The following NEK1 variants were observed in gnomAD, a reference collection of about 807,000 sequenced individuals.
The protein encoded by NEK1 is serine/threonine-protein kinase Nek1.
A neutral mutation model predicts 182.1 loss-of-function variants in NEK1; 137 were observed. The observed-to-expected ratio is 0.75, with a 90% CI of 0.65 to 0.87. The LOEUF is 0.87. NEK1 is among the 40% of genes least tolerant of loss of function. The pLI is 0.00. For missense variants in NEK1, 1,391 were observed against 1,494.4 expected, an observed-to-expected ratio of 0.93 and a Z score of 1.14; for synonymous variants, 513 against 492.2, an observed-to-expected ratio of 1.04 and a Z score of -0.56.
intron 18 of NEK1, among the ~76,000 whole-genome samples, chr4:169,543,136 C>A (rs771339835): frequency 6.6e-6 from 1 of 152,130 alleles, no homozygotes; most frequent in African/African-American, 2.4e-5. Context: ...ATGTTTAAAT[C>A]TTTAATCCAT....
At chr4:169,485,371 T>C (rs1230599238) in intron 23 of NEK1, among the ~76,000 whole-genome samples, 1 of 152,226 alleles carries the variant, frequency 6.6e-6, no homozygotes, top group Non-Finnish European at 1.5e-5. Context: ...GCAACATCAT[T>C]ATAAGCTAAT....
chr4:169,539,944 G>A (rs576686365), intron 18 of NEK1, among the ~76,000 whole-genome samples: 3 of 152,166 alleles, frequency 2.0e-5, no homozygotes, highest in South Asian at 2.1e-4. Flanking sequence ...GTTAAACAGC[G>A]GTTGCACAAA....
chr4:169,514,994 G>C (rs539676489), intron 19 of NEK1, among the ~76,000 whole-genome samples: 2 of 152,156 alleles, frequency 1.3e-5, no homozygotes, highest in African/African-American at 4.8e-5. Context: ...TCACAGAAGT[G>C]CTTCAGCTCT....
At chr4:169,559,775 C>T (rs1057465127) in intron 16 of NEK1, among the ~76,000 whole-genome samples, 3 of 152,060 alleles carry the variant, frequency 2.0e-5, no homozygotes, top group Non-Finnish European at 2.9e-5. Context: ...TTTGGGAGGC[C>T]GAGGCAGGCA....
rs1738766482 is a variant in NEK1, at chr4:169,438,128, C to CA, written c.2718dup (p.Glu907Ter). The CA allele has an allele frequency of 6.2e-7, 1 of 1,612,134 alleles. No homozygotes were observed. Among genetic ancestry groups the CA allele is most frequent in the Admixed American group, 1.7e-5 (1 of 59,824 alleles). ...TTCAATGACATCTGTGGAGATGCCTCACTGAACTCGGGACTTTTTGTCTCA... is the reference window on the plus strand; with the variant it reads ...TTCAATGACATCTGTGGAGATGCCTCAACTGAACTCGGGACTTTTTGTCTCA... On this transcript the variant is annotated frameshift_variant, in exon 28 of 36. Coordinates refer to ENST00000507142, the MANE Select transcript of NEK1 (RefSeq NM_001199397.3). LOFTEE classifies it high-confidence loss of function.
At chr4:169,453,182 A>G (rs1742163806) in intron 27 of NEK1, among the ~76,000 whole-genome samples, 1 of 152,260 alleles carries the variant, frequency 6.6e-6, no homozygotes, top group African/African-American at 2.4e-5. Flanking sequence ...CAAATGGAAG[A>G]ATATTCCATG....
chr4:169,395,864 T>C (rs1188377071), intron 35 of NEK1, among the ~76,000 whole-genome samples: 9 of 152,212 alleles, frequency 5.9e-5, no homozygotes, highest in African/African-American at 1.4e-4. Context: ...ATTACGTACA[T>C]GCACATCTAA....
Position 169,561,877 on chromosome 4 carries a change from C to A in NEK1, c.1095G>T (p.Lys365Asn). ...RRKISEEAAR[K>N]RRLEFIEKEK... ...CTTTTTCAATAAATTCCAGCCTTCT[C>A]TTTCTTGCTGCTTCCTTAAATAAAA... The change falls in exon 14 of 36, where the codon AAG (lysine) becomes AAT (asparagine). Residue 365 changes from lysine to asparagine, a missense_variant. Around this residue, in one of 5 missense-constraint regions of NEK1, gnomAD observed 1,216 missense variants for 1,277.6 expected, o/e 0.95. Transcript: ENST00000507142. The A allele has an allele frequency of 6.2e-7, 1 of 1,606,214 alleles. No individual in the cohort carries two copies. The highest frequency in any genetic ancestry group is 2.2e-5 in the East Asian group (1 of 44,686).
intron 12 of NEK1, among the ~76,000 whole-genome samples, chr4:169,572,451 T>C (rs1462289525): frequency 1.3e-5 from 2 of 152,182 alleles, no homozygotes; most frequent in African/African-American, 4.8e-5. Flanking sequence ...ATGGTAATTT[T>C]GAGATGTCTA....
Position 169,507,774 on chromosome 4 carries a change from C to CAGAATGATT in NEK1, c.1843_1851dup (p.Asn615_Ser617dup), listed in dbSNP as rs751458730. 1 of 1,612,816 alleles carries CAGAATGATT rather than the reference C, an allele frequency of 6.2e-7. No homozygotes were observed. Among genetic ancestry groups the CAGAATGATT allele is most frequent in the African/African-American group, 1.3e-5 (1 of 74,990 alleles). Reference sequence around the variant, plus strand: ...GCCTCTTCACTTCCTTCTTGTCCTTCAGAATGATTAGCTTCTTTCTACAAA... The same window carrying CAGAATGATT: ...GCCTCTTCACTTCCTTCTTGTCCTTCAGAATGATTAGAATGATTAGCTTCTTTCTACAAA... On this transcript the variant is annotated inframe_insertion, in exon 22 of 36. Transcript: ENST00000507142.
At chr4:169,435,635 A>C (rs558423884) in intron 28 of NEK1, among the ~76,000 whole-genome samples, 1 of 152,172 alleles carries the variant, frequency 6.6e-6, no homozygotes, top group Non-Finnish European at 1.5e-5. Flanking sequence ...CTTTAAGAGA[A>C]CTGGGAACTT....
At chr4:169,575,319 CTTT>C (rs770829988) in intron 12 of NEK1, among the ~76,000 whole-genome samples, 31 of 152,368 alleles carry the variant, frequency 2.0e-4, no homozygotes, top group African/African-American at 6.5e-4. Flanking sequence ...AACATTTCTT[CTTT>C]GATTGCTAAC....
intron 26 of NEK1, among the ~76,000 whole-genome samples, chr4:169,466,937 C>G (rs1745042690): frequency 6.6e-6 from 1 of 151,980 alleles, no homozygotes; most frequent in Non-Finnish European, 1.5e-5. Context: ...TTCTGAGATG[C>G]CAGGGTTCAC....
intron 26 of NEK1, among the ~76,000 whole-genome samples, chr4:169,465,611 A>C (rs1391219727): frequency 6.6e-6 from 1 of 152,144 alleles, no homozygotes; most frequent in Non-Finnish European, 1.5e-5. Context: ...AGCAGAGGTA[A>C]CAATACTTCG....
intron 7 of NEK1, among the ~76,000 whole-genome samples, chr4:169,589,023 CAGAA>C: frequency 6.6e-6 from 1 of 152,192 alleles, no homozygotes; most frequent in East Asian, 1.9e-4. Context: ...CACTCACTCA[CAGAA>C]AGCAACTTCC....
rs756233292 is a variant in NEK1, at chr4:169,562,229, A to G, written c.1021-33T>C. ...AAAAGTAAAACTACAAATTAAATAA[A>G]GATTTTGAGGCACTTATTTGAAAAT... On this transcript the variant is annotated intron_variant, in intron 12 of 35. Coordinates refer to ENST00000507142, the MANE Select transcript of NEK1 (RefSeq NM_001199397.3). The G allele has an allele frequency of 8.2e-5, 118 of 1,437,394 alleles. 1 individual carries two copies. Among genetic ancestry groups the G allele is most frequent in the Middle Eastern group, 3.5e-4 (2 of 5,714 alleles). 89.0% of individuals were successfully genotyped at this position (1,437,394 alleles called of 1,614,324 possible). A position where few individuals can be genotyped will look rare whatever the true frequency, so the allele number is the denominator to read the frequency against.
chr4:169,582,206 A>G (rs1766765547), intron 10 of NEK1, among the ~76,000 whole-genome samples: 1 of 151,858 alleles, frequency 6.6e-6, no homozygotes, highest in African/African-American at 2.4e-5. Context: ...ATCTTCCTAT[A>G]TTAACAGTGG....
rs1770652301 is a variant in NEK1 at position 169,602,418 on chromosome 4, T to C, written c.117+96A>G. 3 of 734,664 alleles carry C rather than the reference T, an allele frequency of 4.1e-6. No homozygotes were observed. In the Admixed American group the frequency reaches 8.5e-5, roughly 21 times the overall value. The allele number at this position is 734,664 out of a possible 1,614,324, so 45.5% of individuals were successfully genotyped here. On this transcript the variant is annotated intron_variant, in intron 3 of 35. Coordinates refer to ENST00000507142, the MANE Select transcript of NEK1 (RefSeq NM_001199397.3). ...TAAAGGAGTCTTTTGCTTTAGGTTATCGATTACTTTTTTTTTTTTTTAAAG... is the reference window on the plus strand; with the variant it reads ...TAAAGGAGTCTTTTGCTTTAGGTTACCGATTACTTTTTTTTTTTTTTAAAG...
intron 27 of NEK1, among the ~76,000 whole-genome samples, chr4:169,454,202 T>C (rs182354973): frequency 6.9e-4 from 105 of 152,324 alleles, no homozygotes; most frequent in African/African-American, 2.5e-3. Flanking sequence ...AAGACTTAAA[T>C]GTTAGACCTA....
Sources: allele counts gnomAD v4.1 joint callset (sites outside exome capture counted in the v4.1 genomes callset), GRCh38; gene constraint gnomAD v4.1.1; regional missense constraint gnomAD v4.1.1; transcripts MANE v1.5; gene names NCBI Gene and HGNC (gene_info 2026-07-23, HGNC 2026-07-21).